NSD1: variants seen among roughly 807,000 people sequenced by gnomAD.
NSD1 encodes histone-lysine N-methyltransferase, H3 lysine-36 specific.
A neutral mutation model predicts 242.7 loss-of-function variants in NSD1; 26 were observed. The ratio of observed to expected loss-of-function variants is 0.11; its 90% CI spans 0.08 to 0.15. The LOEUF is 0.15. Among genes scored for constraint, NSD1 ranks in the 10% least tolerant of loss-of-function variants. The pLI is 1.00. For synonymous variants in NSD1, 1,106 were observed against 1,178.1 expected (o/e 0.94, Z 1.25); for missense variants, 2,495 against 3,272.8 (o/e 0.76, Z 5.80).
At chr5:177,291,093 A>T (rs1759780354) in intron 21 of NSD1, among the ~76,000 whole-genome samples, 1 of 152,206 alleles carries the variant, frequency 6.6e-6, no homozygotes, top group East Asian at 1.9e-4. Flanking sequence ...AGAATGTGAT[A>T]AGATGATTTG....
chr5:177,273,118 G>C (rs1226820272), intron 16 of NSD1, among the ~76,000 whole-genome samples: 2 of 152,138 alleles, frequency 1.3e-5, no homozygotes, highest in African/African-American at 4.8e-5. Flanking sequence ...CTTAAAGGCA[G>C]TGACTTTGCT....
At chr5:177,198,069 G>A (rs1165483346) in intron 3 of NSD1, among the ~76,000 whole-genome samples, 4 of 152,012 alleles carry the variant, frequency 2.6e-5, no homozygotes, top group Non-Finnish European at 5.9e-5. Context: ...GAGTGCAGTG[G>A]CACAATTACA....
At chr5:177,208,938 C>G (rs534579172) in intron 4 of NSD1, among the ~76,000 whole-genome samples, 2 of 151,946 alleles carry the variant, frequency 1.3e-5, no homozygotes, top group Admixed American at 1.3e-4. Context: ...TGAGGTGATT[C>G]GTCCTCCTCA....
chr5:177,152,678 A>C (rs1390969610), intron 2 of NSD1, among the ~76,000 whole-genome samples: 2 of 150,456 alleles, frequency 1.3e-5, no homozygotes, highest in Non-Finnish European at 3.0e-5. Flanking sequence ...GTTAGCCAGG[A>C]TGGTCTTGAT....
rs757394691 is a variant in NSD1 at position 177,295,141 on chromosome 5, A to G, written c.7773A>G (p.Ala2591=). The G allele has an allele frequency of 4.3e-6, 7 of 1,613,952 alleles. No individual in the cohort carries two copies. Among genetic ancestry groups the G allele is most frequent in the African/African-American group, 1.3e-5 (1 of 74,918 alleles). ...KQMVGGQQLP[A]LAAKSGQSFR... ...TGGTCGGAGGCCAGCAACTACCTGC[A>G]CTTGCCGCCAAGAGTGGGCAATCTT... Residue 2591 remains alanine, a synonymous_variant, in exon 23 of 23, where the codon GCA becomes GCG. Coordinates refer to ENST00000439151, the MANE Select transcript of NSD1 (RefSeq NM_022455.5). This position sits in a 1 kb window ranked among gnomAD's most constrained non-coding sequence, Gnocchi z 4.3.
chr5:177,192,557 C>T (rs1214013628), intron 3 of NSD1, among the ~76,000 whole-genome samples: 2 of 152,122 alleles, frequency 1.3e-5, no homozygotes, highest in African/African-American at 4.8e-5. Context: ...CCACTACGCC[C>T]AGCTAATTTT....
intron 2 of NSD1, among the ~76,000 whole-genome samples, chr5:177,167,881 GT>G (rs1381096790): frequency 6.6e-6 from 1 of 152,178 alleles, no homozygotes; most frequent in East Asian, 1.9e-4. Flanking sequence ...CATCTGTATT[GT>G]TTTGGCTGTT....
rs1364156807 is a variant in NSD1, at chr5:177,297,445, A to G, written c.*1986A>G. ...TAAGTATTTATCATGTGTGAGAATA[A>G]TAAATATATAACTGCAGCTAGTAGG... On this transcript the variant is annotated 3_prime_UTR_variant, in exon 23 of 23. Transcript: ENST00000439151. The G allele has an allele frequency of 2.2e-5, 5 of 230,382 alleles. No individual in the cohort carries two copies. The highest frequency in any genetic ancestry group is 4.4e-5 in the African/African-American group (2 of 45,146). The allele number at this position is 230,382 out of a possible 1,614,324, so 14.3% of individuals were successfully genotyped here. A position where few individuals can be genotyped will look rare whatever the true frequency, so the allele number is the denominator to read the frequency against.
chr5:177,258,083 C>T (rs1240803242), intron 13 of NSD1, among the ~76,000 whole-genome samples: 2 of 144,822 alleles, frequency 1.4e-5, no homozygotes, highest in African/African-American at 5.1e-5. Context: ...CGGGTTCAAG[C>T]GATTCTCCTG....
rs576522846 is a variant in NSD1 at position 177,234,409 on chromosome 5, T to A, written c.3797-1412T>A. Among the ~76,000 whole-genome samples the A allele has an allele frequency of 2.0e-5, 3 of 152,222 alleles. No individual in the cohort carries two copies. The East Asian group carries it at 5.8e-4, about 29-fold the overall frequency. On this transcript the variant is annotated intron_variant, in intron 5 of 22. Coordinates refer to ENST00000439151, the MANE Select transcript of NSD1 (RefSeq NM_022455.5). ...ATTCATAACAGAAAAAGAAATCATG[T>A]CAGTTTATAAAATGAGAGCCTTGGG...
rs894321793 is a variant in NSD1 at position 177,225,938 on chromosome 5, C to A, written c.3797-9883C>A. ...GAAAAAGGTAGATGTGTGTTTGTTA[C>A]ACAAATTCAACAGTATATATACGTT... is the stretch of plus-strand genomic sequence containing the variant. On this transcript the variant is annotated intron_variant, in intron 5 of 22. Transcript: ENST00000439151. Among the ~76,000 whole-genome samples the A allele has an allele frequency of 4.6e-5, 7 of 152,290 alleles. No individual in the cohort carries two copies. The South Asian group carries it at 1.4e-3, about 32-fold the overall frequency.
At chr5:177,168,552 C>T (rs752440240) in intron 2 of NSD1, among the ~76,000 whole-genome samples, 1 of 151,680 alleles carries the variant, frequency 6.6e-6, no homozygotes, top group African/African-American at 2.4e-5. Context: ...CTCTGCCTCC[C>T]GGGTTCAAGT....
chr5:177,232,410 G>T lies in NSD1; in HGVS notation c.3797-3411G>T, dbSNP rs74758083. Among the ~76,000 whole-genome samples the T allele has an allele frequency of 2.6e-4, 39 of 152,268 alleles. 1 individual carries two copies. In the East Asian group the frequency reaches 4.1e-3, roughly 16 times the overall value. On this transcript the variant is annotated intron_variant, in intron 5 of 22. Transcript: ENST00000439151. ...CAGAAATCCAAAATGCTCCAAAATCGAAATCTTTTTGAATATTGACATAAT... is the reference window on the plus strand; with the variant it reads ...CAGAAATCCAAAATGCTCCAAAATCTAAATCTTTTTGAATATTGACATAAT...
chr5:177,215,303 A>G (rs1331601960), intron 5 of NSD1, among the ~76,000 whole-genome samples: 11 of 150,070 alleles, frequency 7.3e-5, no homozygotes, highest in Non-Finnish European at 1.3e-4. Flanking sequence ...CAGCCTTTCA[A>G]GTAGCTGGGA....
intron 2 of NSD1, among the ~76,000 whole-genome samples, chr5:177,171,804 G>A (rs1269468904): frequency 1.3e-5 from 2 of 152,200 alleles, no homozygotes; most frequent in African/African-American, 2.4e-5. Flanking sequence ...TTTCATGGTT[G>A]AATGATCTTC....
intron 16 of NSD1, among the ~76,000 whole-genome samples, chr5:177,271,151 C>T (rs1757916445): frequency 6.6e-6 from 1 of 152,040 alleles, no homozygotes; most frequent in Non-Finnish European, 1.5e-5. Context: ...TGTATTTTTG[C>T]AGGAGAATCT....
At chr5:177,194,930 G>A (rs926320101) in intron 3 of NSD1, among the ~76,000 whole-genome samples, 10 of 151,934 alleles carry the variant, frequency 6.6e-5, no homozygotes, top group South Asian at 2.1e-4. Flanking sequence ...AGGCTAAGGC[G>A]GGCAGATCAC....
At chr5:177,136,569 T>C (rs372941480) in intron 2 of NSD1, among the ~76,000 whole-genome samples, 1 of 152,068 alleles carries the variant, frequency 6.6e-6, no homozygotes, top group Admixed American at 6.6e-5. Flanking sequence ...TTTGAAGGTA[T>C]AGCATCCTGT....
At chr5:177,159,111 TG>T (rs1270371165) in intron 2 of NSD1, among the ~76,000 whole-genome samples, 1 of 148,314 alleles carries the variant, frequency 6.7e-6, no homozygotes, top group Non-Finnish European at 1.5e-5. Context: ...GGTGCCATTT[TG>T]GCTTATGGCA....
Sources: gnomAD v4.1 joint callset for allele counts (sites outside exome capture counted in the v4.1 genomes callset) on GRCh38, gnomAD v4.1.1 for gene constraint, Gnocchi (gnomAD v3.1) non-coding constraint, MANE v1.5 for transcripts, NCBI Gene and HGNC (gene_info 2026-07-23, HGNC 2026-07-21) for gene names.